NCKAP5: variants seen among roughly 807,000 people sequenced by gnomAD.
The protein encoded by NCKAP5 is nck-associated protein 5.
A neutral mutation model predicts 167.0 loss-of-function variants in NCKAP5; 92 were observed. That is an observed-to-expected ratio of 0.55 (90% CI 0.47 to 0.66). NCKAP5 has a LOEUF of 0.66. Ranked by LOEUF, NCKAP5 falls within the 30% of genes least tolerant of loss-of-function variation. The pLI is 0.00. For synonymous variants in NCKAP5, 891 were observed against 877.4 expected, an observed-to-expected ratio of 1.02 and a Z score of -0.27; for missense variants, 2,378 against 2,315.0, an observed-to-expected ratio of 1.03 and a Z score of -0.56.
chr2:132,865,811 T>C (rs1411891652), intron 10 of NCKAP5, among the ~76,000 whole-genome samples: 1 of 152,164 alleles, frequency 6.6e-6, no homozygotes, highest in Non-Finnish European at 1.5e-5. Context: ...CAGTTGAAAC[T>C]ATGAGCAAAC....
At chr2:133,047,285 T>A (rs2079435710) in intron 6 of NCKAP5, among the ~76,000 whole-genome samples, 1 of 152,114 alleles carries the variant, frequency 6.6e-6, no homozygotes, top group African/African-American at 2.4e-5. Flanking sequence ...GATAAACGAG[T>A]CTCAGCAGCC....
At chr2:133,612,886 T>C in the NCKAP5 span, among the ~76,000 whole-genome samples, 1 of 152,280 alleles carries the variant, frequency 6.6e-6, no homozygotes, top group East Asian at 1.9e-4. Context: ...AACCAGGAGC[T>C]TGCACTGAAC....
At chr2:133,510,481 G>A (rs766101348) in intron 3 of NCKAP5, among the ~76,000 whole-genome samples, 8 of 152,150 alleles carry the variant, frequency 5.3e-5, no homozygotes, top group Non-Finnish European at 1.2e-4. Context: ...AAAATCACAA[G>A]ATCAGAAAAT....
intron 3 of NCKAP5, among the ~76,000 whole-genome samples, chr2:133,491,467 T>A (rs1358921759): frequency 6.6e-6 from 1 of 152,088 alleles, no homozygotes; most frequent in Non-Finnish European, 1.5e-5. Context: ...AAGGTTATGA[T>A]TAAATCCAAG....
intron 16 of NCKAP5, among the ~76,000 whole-genome samples, chr2:132,751,873 A>C (rs1680143481): frequency 6.6e-6 from 1 of 152,232 alleles, no homozygotes; most frequent in Non-Finnish European, 1.5e-5. Flanking sequence ...AGGAAGACCT[A>C]GTGCAAATTC....
intron 3 of NCKAP5, among the ~76,000 whole-genome samples, chr2:133,471,351 T>A (rs1679284496): frequency 6.8e-6 from 1 of 148,062 alleles, no homozygotes; most frequent in Admixed American, 6.8e-5. Context: ...AATTGGTAAT[T>A]TAAGTGCCAC....
At chr2:133,388,571 C>A (rs1205677606) in intron 3 of NCKAP5, among the ~76,000 whole-genome samples, 1 of 152,222 alleles carries the variant, frequency 6.6e-6, no homozygotes, top group Non-Finnish European at 1.5e-5. Context: ...AGCTGTCAGA[C>A]AGGGACATTT....
At chr2:133,491,841 A>C (rs984074893) in intron 3 of NCKAP5, among the ~76,000 whole-genome samples, 3 of 152,184 alleles carry the variant, frequency 2.0e-5, no homozygotes, top group African/African-American at 7.2e-5. Flanking sequence ...AGTTCAGCAT[A>C]TTGTTTGCCA....
chr2:133,097,501 A>G (rs1163167482), intron 6 of NCKAP5, among the ~76,000 whole-genome samples: 1 of 152,240 alleles, frequency 6.6e-6, no homozygotes, highest in Non-Finnish European at 1.5e-5. Context: ...TATCTCAAGA[A>G]AGAGTAAAAC....
intron 8 of NCKAP5, among the ~76,000 whole-genome samples, chr2:132,920,763 A>ATATG (rs1558943135): frequency 1.2e-4 from 8 of 69,270 alleles, no homozygotes; most frequent in South Asian, 1.0e-3. Context: ...ATATGTATAT[A>ATATG]TATGTATGTA....
chr2:132,823,817 CT>C (rs1686936777), intron 11 of NCKAP5, among the ~76,000 whole-genome samples: 1 of 152,048 alleles, frequency 6.6e-6, no homozygotes, highest in Non-Finnish European at 1.5e-5. Flanking sequence ...AGAGACTCAC[CT>C]AACACATAAG....
chr2:132,829,150 T>C (rs1374184242), intron 11 of NCKAP5, among the ~76,000 whole-genome samples: 2 of 152,222 alleles, frequency 1.3e-5, no homozygotes, highest in African/African-American at 2.4e-5. Context: ...TGAATATTAG[T>C]AATAATGAGT....
chr2:133,218,042 C>A (rs1238128959), intron 4 of NCKAP5, among the ~76,000 whole-genome samples: 6 of 152,044 alleles, frequency 3.9e-5, no homozygotes, highest in African/African-American at 1.4e-4. Flanking sequence ...ATACTGAGTT[C>A]TCAAATATTT....
At chr2:132,916,213 C>A (rs1694863638) in intron 8 of NCKAP5, among the ~76,000 whole-genome samples, 1 of 151,864 alleles carries the variant, frequency 6.6e-6, no homozygotes, top group Non-Finnish European at 1.5e-5. Context: ...TTGGGATAGG[C>A]AGGGGACCCA....
At chr2:133,581,735 A>T in the NCKAP5 span, among the ~76,000 whole-genome samples, 2 of 152,234 alleles carry the variant, frequency 1.3e-5, no homozygotes, top group Admixed American at 1.3e-4. Flanking sequence ...ACCTTCAGTT[A>T]TCACAGACAT....
At chr2:133,456,028 T>C (rs1460252174) in intron 3 of NCKAP5, among the ~76,000 whole-genome samples, 1 of 152,192 alleles carries the variant, frequency 6.6e-6, no homozygotes, top group Non-Finnish European at 1.5e-5. Flanking sequence ...TGTGATGGTG[T>C]GCCATATCTT....
intron 6 of NCKAP5, among the ~76,000 whole-genome samples, chr2:133,030,266 G>T (rs1247389576): frequency 6.6e-6 from 1 of 152,148 alleles, no homozygotes; most frequent in Non-Finnish European, 1.5e-5. Context: ...TTCTGGGGAG[G>T]CACCTGTTCT....
At chr2:133,335,238 C>G (rs992576428) in intron 3 of NCKAP5, among the ~76,000 whole-genome samples, 1 of 152,088 alleles carries the variant, frequency 6.6e-6, no homozygotes, top group Non-Finnish European at 1.5e-5. Context: ...ATAATCACTG[C>G]GTTATAGTCT....
chr2:132,956,866 C>T (rs13003757), intron 8 of NCKAP5, among the ~76,000 whole-genome samples: 1 of 152,188 alleles, frequency 6.6e-6, no homozygotes, highest in East Asian at 1.9e-4. Flanking sequence ...TGCTACAACA[C>T]TTCACCTTCC....
Sources: gnomAD v4.1 joint callset for allele counts (sites outside exome capture counted in the v4.1 genomes callset) on GRCh38, gnomAD v4.1.1 for gene constraint, MANE v1.5 for transcripts, NCBI Gene and HGNC (gene_info 2026-07-23, HGNC 2026-07-21) for gene names.